The following KMT2D variants were observed in gnomAD, a reference collection of about 807,000 sequenced individuals.
KMT2D encodes lysine methyltransferase 2D.
In KMT2D, 55 loss-of-function variants were observed where a neutral mutation model predicts 512.7. That is an observed-to-expected ratio of 0.11 (90% CI 0.09 to 0.13). KMT2D has a LOEUF of 0.13. KMT2D is among the 10% of genes least tolerant of loss of function. The pLI is 1.00. For missense variants in KMT2D, 6,061 were observed against 7,127.9 expected (o/e 0.85, Z 5.39); for synonymous variants, 2,995 against 2,904.0 (o/e 1.03, Z -1.01).
chr12:49,040,156 G>A lies in KMT2D; in HGVS notation c.7614C>T (p.Phe2538=), dbSNP rs369403895. 34 of 1,613,790 alleles carry A rather than the reference G, an allele frequency of 2.1e-5. No homozygotes were observed. The highest frequency in any genetic ancestry group is 2.8e-5 in the Non-Finnish European group (33 of 1,179,848). Reference sequence around the variant, plus strand: ...GGGAAGGCTCCCCTACTGCCTGAGGGAAAGTGAAACGCATGGGAGAGGGGG... The same window carrying A: ...GGGAAGGCTCCCCTACTGCCTGAGGAAAAGTGAAACGCATGGGAGAGGGGG... The part of the protein sequence containing the change: ...VGTPSPMRFT[F]PQAVGEPSLK... Residue 2538 remains phenylalanine, a synonymous_variant, in exon 32 of 55, where the codon TTC becomes TTT. Coordinates refer to ENST00000301067, the MANE Select transcript of KMT2D (RefSeq NM_003482.4).
At position 49,028,810 on chromosome 12, in the gene KMT2D, G is replaced by C. The variant is rs373804862; in HGVS notation, c.14382+18C>G. On this transcript the variant is annotated intron_variant, in intron 46 of 54. Transcript: ENST00000301067. The stretch of plus-strand genomic sequence containing the variant: ...CTGATCAGGTTCCCCTCAGCCTCGA[G>C]GTACCCCTAGGACACACCTTGGCTG... The C allele has an allele frequency of 6.2e-7, 1 of 1,612,398 alleles. No homozygotes were observed. The highest frequency in any genetic ancestry group is 8.5e-7 in the Non-Finnish European group (1 of 1,179,314).
chr12:49,051,227 G>A lies in KMT2D; in HGVS notation c.2456C>T (p.Pro819Leu), dbSNP rs2120665738. ...QTEEPHLSPV[P>L]EEPCLSPQPE... Reference sequence around the variant, plus strand: ...TTGGGGGGACAAGCATGGCTCCTCAGGCACAGGAGACAGGTGCGGCTCCTC... The same window carrying A: ...TTGGGGGGACAAGCATGGCTCCTCAAGCACAGGAGACAGGTGCGGCTCCTC... The change falls in exon 11 of 55, where the codon CCT becomes CTT. Residue 819 changes from proline (P) to leucine (L), a missense_variant. Physicochemically the swap from Pro to Leu is moderately conservative, Grantham distance 98 (BLOSUM62 -3). Around this residue, in one of 16 missense-constraint regions of KMT2D, gnomAD observed 848 missense variants for 838.5 expected, o/e 1.01. Coordinates refer to ENST00000301067, the MANE Select transcript of KMT2D (RefSeq NM_003482.4). The A allele has an allele frequency of 6.6e-7, 1 of 1,525,300 alleles. No homozygotes were observed. Among genetic ancestry groups the A allele is most frequent in the Non-Finnish European group, 8.8e-7 (1 of 1,133,712 alleles). The allele number at this position is 1,525,300 out of a possible 1,614,324, so 94.5% of individuals were successfully genotyped here.
rs1942187975 is a variant in KMT2D at position 49,019,361 on chromosome 12, CG to C, written c.*2418del. On this transcript the variant is annotated 3_prime_UTR_variant, in exon 55 of 55. Transcript: ENST00000301067. ...TGTAAACCAACCCAAAATACAAACA[CG>C]GGGGCGGGGGGTGGGGTGGGGGATT... 8.6e-6 allele frequency: 1 copy of C among 116,040 alleles called. No individual in the cohort carries two copies. Among genetic ancestry groups the C allele is most frequent in the Admixed American group, 1.8e-4 (1 of 5,670 alleles). The allele number at this position is 116,040 out of a possible 1,614,324, so 7.2% of individuals were successfully genotyped here. A position where few individuals can be genotyped will look rare whatever the true frequency, so the allele number is the denominator to read the frequency against.
intron 6 of KMT2D, 124 bp from the exon 7 acceptor site, chr12:49,053,765 G>A (rs1465827839): frequency 2.1e-5 from 26 of 1,213,428 alleles, no homozygotes; most frequent in Non-Finnish European, 2.8e-5. Context: ...CTGAGTGCCT[G>A]CCCAACGTCT....
At position 49,046,424 on chromosome 12, in the gene KMT2D, C is replaced by G; in HGVS notation, c.4419G>C (p.Trp1473Cys). The change falls in exon 17 of 55, where the codon TGG becomes TGC. Residue 1473 changes from tryptophan to cysteine, a missense_variant and splice_region_variant. Trp to Cys is a radical substitution (Grantham distance 215). Around this residue, in one of 16 missense-constraint regions of KMT2D, gnomAD observed 640 missense variants for 814.3 expected, o/e 0.79. Coordinates refer to ENST00000301067, the MANE Select transcript of KMT2D (RefSeq NM_003482.4). The surrounding 1 kb of genome is among the most constrained non-coding windows in gnomAD (Gnocchi z 4.2). ...CCCCACACTGCATACAGGACACACACCTGATAGGAGCAGGAAAACAGAGCT... is the reference window on the plus strand; with the variant it reads ...CCCCACACTGCATACAGGACACACAGCTGATAGGAGCAGGAAAACAGAGCT... ...TVPKGGWKCK[W>C]CVSCMQCGAA... 6.2e-7 allele frequency: 1 copy of G among 1,613,368 alleles called. No individual in the cohort carries two copies. The highest frequency in any genetic ancestry group is 8.5e-7 in the Non-Finnish European group (1 of 1,179,490).
In KMT2D at chr12:49,041,984, G is replaced by A. The variant is rs746401473; in HGVS notation, c.6116C>T (p.Ser2039Leu). Residue 2039 changes from serine (S) to leucine (L), a missense_variant, in exon 30 of 55, where the codon TCA (serine) becomes TTA (leucine). Physicochemically the swap from Ser to Leu is moderately radical, Grantham distance 145. Coordinates refer to ENST00000301067, the MANE Select transcript of KMT2D (RefSeq NM_003482.4). This position sits in a 1 kb window ranked among gnomAD's most constrained non-coding sequence, Gnocchi z 5.4. The part of the protein sequence containing the change: ...PNLKQDYPDW[S>L]SRCKQIMKLW... ...CTTCATGATTTGTTTGCAACGGCTT[G>A]ACCAGTCTGGAGGGCAGAGAGAGTG... 3 of 1,611,136 alleles carry A rather than the reference G, an allele frequency of 1.9e-6. No homozygotes were observed. Among genetic ancestry groups the A allele is most frequent in the Non-Finnish European group, 8.5e-7 (1 of 1,178,834 alleles).
At chr12:49,048,159 C>T (rs1348103974) in intron 14 of KMT2D, 90 bp from the exon 15 acceptor site, 3 of 853,048 alleles carry the variant, frequency 3.5e-6, no homozygotes, top group South Asian at 3.5e-5. Context: ...CACTGATTTG[C>T]GACCAGAGTC....
rs1033728501 is a variant in KMT2D at position 49,051,273 on chromosome 12, A to T, written c.2410T>A (p.Leu804Met). 1 of 1,493,112 alleles carries T rather than the reference A, an allele frequency of 6.7e-7. No homozygotes were observed. The highest frequency in any genetic ancestry group is 1.6e-5 in the African/African-American group (1 of 63,614). 92.5% of individuals were successfully genotyped at this position (1,493,112 alleles called of 1,614,324 possible). The change falls in exon 11 of 55, where the codon TTG (leucine) becomes ATG (methionine). Residue 804 changes from leucine to methionine, a missense_variant. Around this residue, in one of 16 missense-constraint regions of KMT2D, gnomAD observed 848 missense variants for 838.5 expected, o/e 1.01. Coordinates refer to ENST00000301067, the MANE Select transcript of KMT2D (RefSeq NM_003482.4). The part of the protein sequence containing the change: ...GPHLSPQPEE[L>M]HLSPQTEEPH... ...TCCTCAGTCTGGGGGGACAGGTGCA[A>T]TTCCTCAGGCTGAGGGGACAGATGT...
chr12:49,038,008 A>G lies in KMT2D; in HGVS notation c.9348T>C (p.Pro3116=), dbSNP rs1214038933. The change falls in exon 35 of 55, where the codon CCT becomes CCC. Residue 3116 remains proline, a synonymous_variant. Coordinates refer to ENST00000301067, the MANE Select transcript of KMT2D (RefSeq NM_003482.4). The surrounding 1 kb of genome is among the most constrained non-coding windows in gnomAD (Gnocchi z 5.7). The part of the protein sequence containing the change: ...ASEPRLASVL[P]EVKPKVEEGG... ...CCTCCTCCACCTTGGGCTTCACCTC[A>G]GGGAGCACAGATGCCAGGCGGGGTT... 1.9e-6 allele frequency: 3 copies of G among 1,606,394 alleles called. No homozygotes were observed. Among genetic ancestry groups the G allele is most frequent in the East Asian group, 2.2e-5 (1 of 44,628 alleles).
Position 49,032,823 on chromosome 12 carries a change from T to G in KMT2D, c.11882A>C (p.Gln3961Pro), listed in dbSNP as rs758073009. 4.5e-6 allele frequency: 7 copies of G among 1,550,650 alleles called. No homozygotes were observed. Among genetic ancestry groups the G allele is most frequent in the Middle Eastern group, 1.9e-4 (1 of 5,322 alleles). ...QQQQLQQQQQ[Q>P]QQQQFQQQQQ... The stretch of plus-strand genomic sequence containing the variant: ...CTGCTGTTGAAACTGCTGCTGTTGT[T>G]GTTGCTGTTGCTGTTGTAGCTGCTG... The change falls in exon 40 of 55, where the codon CAA (glutamine) becomes CCA (proline). Residue 3961 changes from glutamine (Q) to proline (P), a missense_variant. Physicochemically the swap from Gln to Pro is moderately conservative, Grantham distance 76. Transcript: ENST00000301067.
rs1938076610 is a variant in KMT2D, at chr12:49,051,952, C to T, written c.1731G>A (p.Glu577=). The change falls in exon 11 of 55, where the codon GAG becomes GAA. Residue 577 remains glutamate, a synonymous_variant. Transcript: ENST00000301067. ...CAGGTGGAGGGGACATGGGTGACTCCTCAGGTGGTGGAGACAGGCGAGATG... is the reference window on the plus strand; with the variant it reads ...CAGGTGGAGGGGACATGGGTGACTCTTCAGGTGGTGGAGACAGGCGAGATG... The part of the protein sequence containing the change: ...PEASRLSPPP[E]ESPMSPPPEE... The T allele has an allele frequency of 1.9e-6, 3 of 1,613,458 alleles. No homozygotes were observed. The highest frequency in any genetic ancestry group is 1.7e-6 in the Non-Finnish European group (2 of 1,179,732).
rs2120527035 is a variant in KMT2D, at chr12:49,040,327, A to G, written c.7443T>C (p.Ala2481=). 6.3e-7 allele frequency: 1 copy of G among 1,575,180 alleles called. No homozygotes were observed. Among genetic ancestry groups the G allele is most frequent in the Non-Finnish European group, 8.6e-7 (1 of 1,160,430 alleles). The change falls in exon 32 of 55, where the codon GCT becomes GCC. Residue 2481 remains alanine, a synonymous_variant. Transcript: ENST00000301067. ...CCAGCGAAGTGTGGGCTAGAGACCCAGCCTTAAAGGCAACTTCAGGGGGCT... is the reference window on the plus strand; with the variant it reads ...CCAGCGAAGTGTGGGCTAGAGACCCGGCCTTAAAGGCAACTTCAGGGGGCT... ...RPQPPEVAFK[A]GSLAHTSLGA... is the part of the protein sequence containing the mutation.
At position 49,049,886 on chromosome 12, in the gene KMT2D, C is replaced by A. The variant is rs1187018461; in HGVS notation, c.3702G>T (p.Gly1234=). 6 of 1,613,780 alleles carry A rather than the reference C, an allele frequency of 3.7e-6. No individual in the cohort carries two copies. Among genetic ancestry groups the A allele is most frequent in the Admixed American group, 1.7e-5 (1 of 60,010 alleles). ...EPLLGSPDPE[G]GGSLSMELGV... is the part of the protein sequence containing the mutation. ...CCAACTCCATGGACAGGGAGCCACC[C>A]CCCTCCGGGTCTGGAGAGCCCAGGA... The change falls in exon 12 of 55, where the codon GGG becomes GGT. Residue 1234 remains glycine (G), a synonymous_variant. Coordinates refer to ENST00000301067, the MANE Select transcript of KMT2D (RefSeq NM_003482.4).
At position 49,029,200 on chromosome 12, in the gene KMT2D, G is replaced by A. The variant is rs2120393780; in HGVS notation, c.14112C>T (p.Ser4704=). 1 of 1,613,902 alleles carries A rather than the reference G, an allele frequency of 6.2e-7. No homozygotes were observed. Among genetic ancestry groups the A allele is most frequent in the Non-Finnish European group, 8.5e-7 (1 of 1,179,792 alleles). The change falls in exon 45 of 55, where the codon AGC becomes AGT. Residue 4704 remains serine (S), a synonymous_variant. Transcript: ENST00000301067. ...ESDEDSDSPD[S]IVPASSPESI... Reference sequence around the variant, plus strand: ...TCTCAGGGGATGAAGCTGGCACAATGCTGTCAGGAGAATCGCTATCCTCAT... The same window carrying A: ...TCTCAGGGGATGAAGCTGGCACAATACTGTCAGGAGAATCGCTATCCTCAT...
chr12:49,022,957 G>A lies in KMT2D; in HGVS notation c.16053-82C>T, dbSNP rs2137708336. ...ACCCACCTCCTCTGCCACCTCCTGG[G>A]ATGTGCAACACACCAGTTAGGGGCG... On this transcript the variant is annotated intron_variant, in intron 51 of 54. Coordinates refer to ENST00000301067, the MANE Select transcript of KMT2D (RefSeq NM_003482.4). This position sits in a 1 kb window ranked among gnomAD's most constrained non-coding sequence, Gnocchi z 8.6. 7.2e-7 allele frequency: 1 copy of A among 1,390,020 alleles called. No individual in the cohort carries two copies. The highest frequency in any genetic ancestry group is 9.7e-7 in the Non-Finnish European group (1 of 1,034,578). The allele number at this position is 1,390,020 out of a possible 1,614,324, so 86.1% of individuals were successfully genotyped here.
At position 49,040,642 on chromosome 12, in the gene KMT2D, G is replaced by T. The variant is rs755580821; in HGVS notation, c.7128C>A (p.Asp2376Glu). ...GAGTCAATGGGGGCTGAGCATATGG[G>T]TCAGTGTAGGAGCCAGGGCGAAAGA... ...PDIFRPGSYTDPYAQPPLTPR... is the reference protein window; with the variant it reads ...PDIFRPGSYTEPYAQPPLTPR... Residue 2376 changes from aspartate (D) to glutamate (E), a missense_variant, in exon 32 of 55, where the codon GAC becomes GAA. Asp to Glu is a conservative substitution (Grantham distance 45). This residue lies in a region of KMT2D where 710 missense variants were observed against 647.3 expected (regional missense o/e 1.10). Coordinates refer to ENST00000301067, the MANE Select transcript of KMT2D (RefSeq NM_003482.4). 6.2e-7 allele frequency: 1 copy of T among 1,613,706 alleles called. No individual in the cohort carries two copies. Among genetic ancestry groups the T allele is most frequent in the East Asian group, 2.2e-5 (1 of 44,852 alleles).
rs2120476241 is a variant in KMT2D at position 49,037,245 on chromosome 12, G to A, written c.10111C>T (p.Gln3371Ter). ...HGGQAGLVPQ[Q>*]SSQPVLSQKP... Reference sequence around the variant, plus strand: ...TGTGATAGCACTGGCTGTGAGCTCTGCTGGGGTACCAAGCCTGCCTGCCCT... The same window carrying A: ...TGTGATAGCACTGGCTGTGAGCTCTACTGGGGTACCAAGCCTGCCTGCCCT... Residue 3371 changes from glutamine (Q) to a stop codon, truncating the protein, a stop_gained, in exon 35 of 55, where the codon CAG becomes TAG. Transcript: ENST00000301067. LOFTEE classifies it high-confidence loss of function. 1 of 1,613,668 alleles carries A rather than the reference G, an allele frequency of 6.2e-7. No individual in the cohort carries two copies. Among genetic ancestry groups the A allele is most frequent in the Non-Finnish European group, 8.5e-7 (1 of 1,179,832 alleles).
At position 49,029,142 on chromosome 12, in the gene KMT2D, G is replaced by A. The variant is rs1275148461; in HGVS notation, c.14170C>T (p.His4724Tyr). 1 of 1,613,884 alleles carries A rather than the reference G, an allele frequency of 6.2e-7. No individual in the cohort carries two copies. The change falls in exon 45 of 55, where the codon CAT becomes TAT. Residue 4724 changes from histidine (H) to tyrosine (Y), a missense_variant. Transcript: ENST00000301067. ...ILGEEAPRFP[H>Y]LGSGRWEQED... ...TGCTCCCACCGGCCTGAGCCCAGATGAGGGAAACGAGGGGCCTCCTCCCCC... is the reference window on the plus strand; with the variant it reads ...TGCTCCCACCGGCCTGAGCCCAGATAAGGGAAACGAGGGGCCTCCTCCCCC...
At position 49,054,670 on chromosome 12, in the gene KMT2D, C is replaced by T. The variant is rs755981076; in HGVS notation, c.258G>A (p.Glu86=). 8 of 1,612,744 alleles carry T rather than the reference C, an allele frequency of 5.0e-6. No homozygotes were observed. The highest frequency in any genetic ancestry group is 1.1e-5 in the South Asian group (1 of 90,940). ...GACACCGGGGCCAATCAAATGGCAA[C>T]TCAAAGCGCCGTAGCTCCCGCTGCC... The part of the protein sequence containing the change: ...LHGQRELRRF[E]LPFDWPRCPV... Residue 86 remains glutamate, a synonymous_variant, in exon 4 of 55, where the codon GAG becomes GAA. Coordinates refer to ENST00000301067, the MANE Select transcript of KMT2D (RefSeq NM_003482.4). The surrounding 1 kb of genome is among the most constrained non-coding windows in gnomAD (Gnocchi z 6.4).
Sources: allele counts gnomAD v4.1 joint callset, GRCh38; gene constraint gnomAD v4.1.1; regional missense constraint gnomAD v4.1.1; non-coding constraint Gnocchi (gnomAD v3.1); transcripts MANE v1.5; gene names NCBI Gene and HGNC (gene_info 2026-07-23, HGNC 2026-07-21).